Variants in PGAP4 observed in about 807,000 individuals in gnomAD.
The protein encoded by PGAP4 is post-GPI attachment to proteins GalNAc transferase 4.
In PGAP4, 12 loss-of-function variants were observed where a neutral mutation model predicts 28.2. The ratio of observed to expected loss-of-function variants is 0.42; its 90% CI spans 0.27 to 0.69. The LOEUF (loss-of-function observed/expected upper bound fraction) is 0.69. Among genes scored for constraint, PGAP4 ranks in the 30% least tolerant of loss-of-function variants. The probability of loss-of-function intolerance (pLI) is 0.22; values close to 1 mark genes in which losing one functional copy is unlikely to be tolerated. For missense variants in PGAP4, 425 were observed against 513.5 expected (o/e 0.83, Z 1.67); for synonymous variants, 205 against 211.8 (o/e 0.97, Z 0.28).
rs1347445192 is a variant in PGAP4 at position 101,473,448 on chromosome 9, A to G, written c.*2433T>C. ...ACAATACACAAAAATTAGACTCCTT[A>G]TAAGAATAAGGGATTAAATGGAGGA... On this transcript the variant is annotated 3_prime_UTR_variant, in exon 2 of 2. Coordinates refer to ENST00000374848, the MANE Select transcript of PGAP4 (RefSeq NM_032342.3). 1 of 152,262 alleles carries G rather than the reference A, an allele frequency of 6.6e-6. No individual in the cohort carries two copies. The highest frequency in any genetic ancestry group is 2.4e-5 in the African/African-American group (1 of 41,462). The allele number at this position is 152,262 out of a possible 1,614,324, so 9.4% of individuals were successfully genotyped here.
At chr9:101,522,012 T>G (rs920163727) in intron 2 of PGAP4, among the ~76,000 whole-genome samples, 1 of 152,324 alleles carries the variant, frequency 6.6e-6, no homozygotes, top group Admixed American at 6.5e-5. Context: ...TCCATGTATT[T>G]GCATTGTTTC....
intron 2 of PGAP4, among the ~76,000 whole-genome samples, chr9:101,523,942 A>C (rs185595768): frequency 2.9e-4 from 44 of 149,722 alleles, no homozygotes; most frequent in Non-Finnish European, 5.0e-4. Context: ...TTGATGTAGT[A>C]CTCTCCCCCT....
rs754006130 is a variant in PGAP4 at position 101,475,960 on chromosome 9, T to C, written c.1133A>G (p.Tyr378Cys). The C allele has an allele frequency of 1.2e-6, 2 of 1,614,198 alleles. No individual in the cohort carries two copies. Among genetic ancestry groups the C allele is most frequent in the Admixed American group, 1.7e-5 (1 of 60,028 alleles). Residue 378 changes from tyrosine to cysteine, a missense_variant, in exon 2 of 2, where the codon TAT becomes TGT. Tyr to Cys is a radical substitution (Grantham distance 194, BLOSUM62 -2). Transcript: ENST00000374848. Reference sequence around the variant, plus strand: ...TTTCACGAGGTTCGGCTCCACTACATAGGCCCTCTCTCCCTTGGCCCTCAA... The same window carrying C: ...TTTCACGAGGTTCGGCTCCACTACACAGGCCCTCTCTCCCTTGGCCCTCAA... Reference protein sequence around the residue: ...SLLRAKGERAYVVEPNLVKHI... With the variant: ...SLLRAKGERACVVEPNLVKHI...
intron 2 of PGAP4, among the ~76,000 whole-genome samples, chr9:101,499,745 G>A (rs964909973): frequency 1.3e-5 from 2 of 151,932 alleles, no homozygotes; most frequent in African/African-American, 2.4e-5. Context: ...ATGGCCTTCC[G>A]TGGCTTTATT....
chr9:101,476,411 G>C lies in PGAP4; in HGVS notation c.682C>G (p.Leu228Val). Reference protein sequence around the residue: ...EQIFPVLEHLLRARFSEPHLR... With the variant: ...EQIFPVLEHLVRARFSEPHLR... ...TGTGGCTCAGAGAAGCGAGCCCGCAGAAGGTGCTCCAAGACTGGGAAGATC... is the reference window on the plus strand; with the variant it reads ...TGTGGCTCAGAGAAGCGAGCCCGCACAAGGTGCTCCAAGACTGGGAAGATC... The change falls in exon 2 of 2, where the codon CTG becomes GTG. Residue 228 changes from leucine to valine, a missense_variant. Leu to Val is a conservative substitution (Grantham distance 32). Transcript: ENST00000374848. This position sits in a 1 kb window ranked among gnomAD's most constrained non-coding sequence, Gnocchi z 7.0. 1 of 1,614,176 alleles carries C rather than the reference G, an allele frequency of 6.2e-7. No homozygotes were observed. Among genetic ancestry groups the C allele is most frequent in the Non-Finnish European group, 8.5e-7 (1 of 1,180,042 alleles).
intron 1 of PGAP4, among the ~76,000 whole-genome samples, chr9:101,479,323 G>A (rs1376864343): frequency 1.3e-5 from 2 of 152,218 alleles, no homozygotes; most frequent in African/African-American, 2.4e-5. Context: ...GGAGGCATTC[G>A]AGTGGATTTC....
chr9:101,519,340 G>A (rs1245054673), intron 2 of PGAP4, among the ~76,000 whole-genome samples: 1 of 152,014 alleles, frequency 6.6e-6, no homozygotes, highest in Non-Finnish European at 1.5e-5. Flanking sequence ...TTGTATGTTA[G>A]TCGAGACGGG....
chr9:101,506,340 T>G (rs866813112), intron 2 of PGAP4, among the ~76,000 whole-genome samples: 2 of 152,088 alleles, frequency 1.3e-5, no homozygotes, highest in Non-Finnish European at 1.5e-5. Flanking sequence ...GCCTTTCTCT[T>G]GGAACAAAAA....
At chr9:101,510,278 C>A (rs1047108644) in intron 2 of PGAP4, among the ~76,000 whole-genome samples, 1 of 152,140 alleles carries the variant, frequency 6.6e-6, no homozygotes, top group Non-Finnish European at 1.5e-5. Flanking sequence ...TAGTAAAGGG[C>A]TTCTTAGCTT....
intron 2 of PGAP4, among the ~76,000 whole-genome samples, chr9:101,513,909 C>T (rs567124770): frequency 7.2e-5 from 11 of 152,232 alleles, no homozygotes; most frequent in Non-Finnish European, 1.0e-4. Context: ...TGTTGTGAGT[C>T]CTGGAGTTCC....
At chr9:101,517,651 T>C (rs1314508917) in intron 2 of PGAP4, among the ~76,000 whole-genome samples, 1 of 152,058 alleles carries the variant, frequency 6.6e-6, no homozygotes, top group Non-Finnish European at 1.5e-5. Context: ...GGGGAGGCAA[T>C]GAGTAGGACA....
At chr9:101,479,203 T>C (rs1174736205) in intron 1 of PGAP4, among the ~76,000 whole-genome samples, 1 of 152,254 alleles carries the variant, frequency 6.6e-6, no homozygotes, top group Non-Finnish European at 1.5e-5. Context: ...TAACAAACCA[T>C]GTGGTTGAAC....
At chr9:101,490,343 C>A (rs1477213219), upstream of PGAP4, among the ~76,000 whole-genome samples, 1 of 152,114 alleles carries the variant, frequency 6.6e-6, no homozygotes. Context: ...GCACATACCA[C>A]CATGCCCAGC....
At chr9:101,510,334 T>C (rs1231475319) in intron 2 of PGAP4, among the ~76,000 whole-genome samples, 1 of 152,180 alleles carries the variant, frequency 6.6e-6, no homozygotes, top group Non-Finnish European at 1.5e-5. Flanking sequence ...TGCAGACACA[T>C]TTGATGAAGC....
At chr9:101,477,926 G>GA (rs952394408) in intron 1 of PGAP4, among the ~76,000 whole-genome samples, 1 of 152,054 alleles carries the variant, frequency 6.6e-6, no homozygotes, top group African/African-American at 2.4e-5. Context: ...GGAGCGGGGG[G>GA]GGAAAGGCAG....
At chr9:101,495,518 T>C (rs1191888085) in intron 2 of PGAP4, among the ~76,000 whole-genome samples, 1 of 142,622 alleles carries the variant, frequency 7.0e-6, no homozygotes, top group Non-Finnish European at 1.5e-5. Flanking sequence ...ATTTTAAAGT[T>C]AATTTTAGTC....
intron 2 of PGAP4, among the ~76,000 whole-genome samples, chr9:101,496,623 A>T (rs574921826): frequency 6.6e-6 from 1 of 151,544 alleles, no homozygotes; most frequent in South Asian, 2.1e-4. Context: ...TACATTTTTA[A>T]TGAACTTTAT....
chr9:101,496,941 T>C (rs1391136224), intron 2 of PGAP4, among the ~76,000 whole-genome samples: 1 of 150,632 alleles, frequency 6.6e-6, no homozygotes, highest in Non-Finnish European at 1.5e-5. Flanking sequence ...CATAATTTTT[T>C]AATATTAAAA....
intron 2 of PGAP4, among the ~76,000 whole-genome samples, chr9:101,503,157 C>G (rs1450507611): frequency 6.6e-6 from 1 of 151,950 alleles, no homozygotes; most frequent in Non-Finnish European, 1.5e-5. Flanking sequence ...GAAAGCTTCT[C>G]CTGCTGTCTG....
Sources: gnomAD v4.1 joint callset for allele counts (sites outside exome capture counted in the v4.1 genomes callset) on GRCh38, gnomAD v4.1.1 for gene constraint, Gnocchi (gnomAD v3.1) non-coding constraint, MANE v1.5 for transcripts, NCBI Gene and HGNC (gene_info 2026-07-23, HGNC 2026-07-21) for gene names.